The following GCNT2 variants were observed in gnomAD, a reference collection of about 807,000 sequenced individuals.
GCNT2 encodes N-acetyllactosaminide beta-1,6-N-acetylglucosaminyl-transferase.
GCNT2 carries 34 observed loss-of-function variants against 34.2 expected under a neutral mutation model. That is an observed-to-expected ratio of 1.00 (90% confidence interval 0.76 to 1.32). The LOEUF (loss-of-function observed/expected upper bound fraction) is 1.32. Among genes scored for constraint, GCNT2 ranks in the 40% most tolerant of loss-of-function variants. The pLI is 0.00. For synonymous variants in GCNT2, 212 were observed against 188.0 expected (o/e 1.13, Z -1.04); for missense variants, 584 against 489.4 (o/e 1.19, Z -1.82).
intron 3 of GCNT2, among the ~76,000 whole-genome samples, chr6:10,548,885 A>T (rs1261161253): frequency 2.0e-5 from 3 of 152,024 alleles, no homozygotes; most frequent in Non-Finnish European, 2.9e-5. Flanking sequence ...CAGCCTCCCA[A>T]GTAGCTCGGA....
intron 3 of GCNT2, chr6:10,556,709 G>A (rs774294620): frequency 1.9e-6 from 3 of 1,614,130 alleles, no homozygotes; most frequent in Non-Finnish European, 2.5e-6. Context: ...CTTTCCCTTG[G>A]CATATATAAT....
chr6:10,594,724 A>G (rs1764779908), intron 3 of GCNT2, among the ~76,000 whole-genome samples: 1 of 152,248 alleles, frequency 6.6e-6, no homozygotes, highest in South Asian at 2.1e-4. Context: ...AAAGCAATTT[A>G]AATCTCACTA....
intron 3 of GCNT2, among the ~76,000 whole-genome samples, chr6:10,602,032 G>T (rs563983032): frequency 5.4e-4 from 82 of 151,884 alleles, no homozygotes; most frequent in Non-Finnish European, 9.3e-4. Context: ...CCCTAAATCA[G>T]CCCTAGGCAG....
intron 3 of GCNT2, among the ~76,000 whole-genome samples, chr6:10,608,067 T>C (rs1765399211): frequency 6.6e-6 from 1 of 150,564 alleles, no homozygotes; most frequent in Middle Eastern, 3.4e-3. Flanking sequence ...AGTCAAATGG[T>C]ATGCACTTTT....
intron 3 of GCNT2, among the ~76,000 whole-genome samples, chr6:10,598,766 C>T (rs753357164): frequency 9.9e-5 from 15 of 152,114 alleles, no homozygotes; most frequent in Non-Finnish European, 2.1e-4. Context: ...GGGAAGGGGC[C>T]CTCTGGAGCC....
chr6:10,624,041 G>A (rs978487474), intron 4 of GCNT2, among the ~76,000 whole-genome samples: 1 of 152,180 alleles, frequency 6.6e-6, no homozygotes, highest in Admixed American at 6.5e-5. Context: ...TATTGGTGGG[G>A]AGTGTTGCGG....
Position 10,614,290 on chromosome 6 carries a change from G to T in GCNT2, c.926-7061G>T, listed in dbSNP as rs1765673192. 2.6e-5 allele frequency among the ~76,000 whole-genome samples: 4 copies of T among 152,084 alleles called. 1 individual carries two copies. In the South Asian group the frequency reaches 8.3e-4, roughly 32 times the overall value. ...GAATGGATGATTGCTGATCACCCAG[G>T]TCATTATTGAAGGGCAAATTGAAAT... On this transcript the variant is annotated intron_variant, in intron 3 of 4. Transcript: ENST00000495262.
intron 3 of GCNT2, among the ~76,000 whole-genome samples, chr6:10,617,437 C>T (rs1364742632): frequency 6.6e-6 from 1 of 152,194 alleles, no homozygotes; most frequent in Non-Finnish European, 1.5e-5. Flanking sequence ...CTGGCTCTGG[C>T]CTTGGCCAGC....
intron 3 of GCNT2, among the ~76,000 whole-genome samples, chr6:10,597,781 C>T (rs1031650744): frequency 2.0e-5 from 3 of 152,112 alleles, no homozygotes; most frequent in Non-Finnish European, 2.9e-5. Flanking sequence ...GTGTTGATGA[C>T]CCCAGAAGAC....
Position 10,527,607 on chromosome 6 carries a change from C to A in GCNT2, c.-335C>A, listed in dbSNP as rs1266355536. On this transcript the variant is annotated 5_prime_UTR_variant, in exon 2 of 5. Coordinates refer to ENST00000495262, the MANE Select transcript of GCNT2 (RefSeq NM_145649.5). ...CGTTTTAGATGTATAATCTGATTGG[C>A]ATGGACTCACAGAGGAGGGAGTAAG... 6.6e-6 allele frequency: 1 copy of A among 152,074 alleles called. No homozygotes were observed. Among genetic ancestry groups the A allele is most frequent in the African/African-American group, 2.4e-5 (1 of 41,372 alleles). 9.4% of individuals were successfully genotyped at this position (152,074 alleles called of 1,614,324 possible).
At chr6:10,573,821 T>A (rs1763665070) in intron 3 of GCNT2, among the ~76,000 whole-genome samples, 2 of 152,210 alleles carry the variant, frequency 1.3e-5, no homozygotes, top group Admixed American at 1.3e-4. Context: ...TGAAAGGCAG[T>A]TCCCCCACAC....
At chr6:10,562,279 A>G (rs1034159793) in intron 3 of GCNT2, among the ~76,000 whole-genome samples, 7 of 152,162 alleles carry the variant, frequency 4.6e-5, no homozygotes. Context: ...GGCTTCCATC[A>G]GGCAAATTCT....
chr6:10,575,132 T>G (rs1437271707), intron 3 of GCNT2: 2 of 450,354 alleles, frequency 4.4e-6, no homozygotes, highest in Non-Finnish European at 8.3e-6. Context: ...TCTTATAGAT[T>G]CACATATACG....
rs3756949 is a variant in GCNT2 at position 10,591,293 on chromosome 6, C to A, written c.926-30058C>A. On this transcript the variant is annotated intron_variant, in intron 3 of 4. Transcript: ENST00000495262. ...AAGGGTCGGGAGGGGCAGGAATGTG[C>A]TGGAGAGTTCTGAGAAGATGGGCAG... 7.6e-4 allele frequency among the ~76,000 whole-genome samples: 116 copies of A among 152,294 alleles called. 2 individuals are homozygous for A. The East Asian group carries it at 0.017, about 23-fold the overall frequency.
At chr6:10,547,424 A>C (rs1762318651) in intron 3 of GCNT2, among the ~76,000 whole-genome samples, 1 of 152,190 alleles carries the variant, frequency 6.6e-6, no homozygotes, top group Non-Finnish European at 1.5e-5. Flanking sequence ...TCCAGTTTGG[A>C]ACAATTTCTC....
At chr6:10,525,815 A>G (rs1385522900) in intron 1 of GCNT2, among the ~76,000 whole-genome samples, 2 of 152,218 alleles carry the variant, frequency 1.3e-5, no homozygotes, top group Admixed American at 1.3e-4. Flanking sequence ...GTTACCCTGC[A>G]ACTAAATCCA....
chr6:10,547,948 C>T (rs1762337450), intron 3 of GCNT2, among the ~76,000 whole-genome samples: 1 of 152,298 alleles, frequency 6.6e-6, no homozygotes, highest in South Asian at 2.1e-4. Flanking sequence ...AAAGCCTGTT[C>T]AAGCTGGCTT....
chr6:10,605,732 A>G (rs1017454849), intron 3 of GCNT2, among the ~76,000 whole-genome samples: 2 of 152,158 alleles, frequency 1.3e-5, no homozygotes, highest in African/African-American at 4.8e-5. Flanking sequence ...GCCCTCATTT[A>G]TTCCCTACCA....
chr6:10,536,922 C>T (rs758390379), intron 3 of GCNT2, among the ~76,000 whole-genome samples: 3 of 151,790 alleles, frequency 2.0e-5, no homozygotes, highest in Non-Finnish European at 2.9e-5. Flanking sequence ...CCCGCCACCA[C>T]GCCTGGCTAA....
Sources: gnomAD v4.1 joint callset for allele counts (sites outside exome capture counted in the v4.1 genomes callset) on GRCh38, gnomAD v4.1.1 for gene constraint, MANE v1.5 for transcripts, NCBI Gene and HGNC (gene_info 2026-07-23, HGNC 2026-07-21) for gene names.